CYYR1: variants seen among roughly 807,000 people sequenced by gnomAD.
CYYR1 encodes cysteine and tyrosine rich 1.
A neutral mutation model predicts 15.2 loss-of-function variants in CYYR1; 14 were observed. That is an observed-to-expected ratio of 0.92 (90% confidence interval 0.61 to 1.44). The LOEUF (loss-of-function observed/expected upper bound fraction) is 1.44, where lower values mean the gene tolerates loss of function less well. CYYR1 is among the 40% of genes most tolerant of loss of function. The pLI, the probability that CYYR1 is intolerant of heterozygous loss-of-function variation, is 0.00. For synonymous variants in CYYR1, 80 were observed against 77.4 expected (o/e 1.03, Z -0.18); for missense variants, 228 against 209.5 (o/e 1.09, Z -0.54).
intron 2 of CYYR1, among the ~76,000 whole-genome samples, chr21:26,511,678 CTTCT>C (rs1398622980): frequency 1.3e-5 from 2 of 152,154 alleles, no homozygotes; most frequent in Non-Finnish European, 2.9e-5. Flanking sequence ...AAAGTGAAGG[CTTCT>C]TTGTTTTATT....
intron 2 of CYYR1, among the ~76,000 whole-genome samples, chr21:26,529,137 A>G (rs1034201035): frequency 6.6e-6 from 1 of 152,208 alleles, no homozygotes; most frequent in Non-Finnish European, 1.5e-5. Context: ...CTAACATATA[A>G]TGAAAGTGAG....
chr21:26,538,469 G>A (rs544778739), intron 2 of CYYR1, among the ~76,000 whole-genome samples: 1 of 152,092 alleles, frequency 6.6e-6, no homozygotes, highest in East Asian at 1.9e-4. Flanking sequence ...ATGCAATATA[G>A]TCTTTTATTT....
At chr21:26,535,140 A>G (rs2065979426) in intron 2 of CYYR1, among the ~76,000 whole-genome samples, 1 of 152,098 alleles carries the variant, frequency 6.6e-6, no homozygotes, top group African/African-American at 2.4e-5. Flanking sequence ...TGAAAAACTA[A>G]CTATTAGGTA....
chr21:26,537,769 C>T (rs963455108), intron 2 of CYYR1, among the ~76,000 whole-genome samples: 35 of 152,034 alleles, frequency 2.3e-4, no homozygotes, highest in African/African-American at 8.2e-4. Flanking sequence ...CATACGTTGA[C>T]CCCTAATCAC....
At chr21:26,499,002 A>G (rs1294608624) in intron 2 of CYYR1, among the ~76,000 whole-genome samples, 2 of 152,188 alleles carry the variant, frequency 1.3e-5, no homozygotes, top group Non-Finnish European at 2.9e-5. Flanking sequence ...CAGCCAAACC[A>G]TATCAGCTGT....
At chr21:26,483,424 A>G in intron 2 of CYYR1, 1 of 982,204 alleles carries the variant, frequency 1.0e-6, no homozygotes, top group Non-Finnish European at 1.2e-6. Flanking sequence ...AAAAAAAAAA[A>G]AAAAGCTTGA....
At chr21:26,555,091 C>T (rs1006369008) in intron 2 of CYYR1, among the ~76,000 whole-genome samples, 10 of 152,166 alleles carry the variant, frequency 6.6e-5, no homozygotes, top group Middle Eastern at 3.4e-3. Flanking sequence ...AACCCAAGCC[C>T]GATTTTTCTG....
At chr21:26,563,145 T>G (rs1204393943) in intron 2 of CYYR1, among the ~76,000 whole-genome samples, 1 of 152,154 alleles carries the variant, frequency 6.6e-6, no homozygotes, top group Non-Finnish European at 1.5e-5. Flanking sequence ...AGACAGGCCA[T>G]CTTTTAAGTT....
chr21:26,517,114 CAAAAAAAAAAAAA>C (rs61352955), intron 2 of CYYR1, among the ~76,000 whole-genome samples: 6 of 46,706 alleles, frequency 1.3e-4, no homozygotes, highest in East Asian at 1.3e-3. Context: ...GACTCCGTCT[CAAAAAAAAAAAAA>C]AAAAAAAAAA....
intron 2 of CYYR1, among the ~76,000 whole-genome samples, chr21:26,553,320 T>G (rs1979527622): frequency 6.6e-6 from 1 of 152,116 alleles, no homozygotes; most frequent in South Asian, 2.1e-4. Context: ...GGTGTGAATT[T>G]CATTGGGTTT....
chr21:26,524,601 TG>T (rs2065841229), intron 2 of CYYR1, among the ~76,000 whole-genome samples: 2 of 140,406 alleles, frequency 1.4e-5, no homozygotes, highest in African/African-American at 5.3e-5. Context: ...TGAACATGCT[TG>T]GTCATCAACC....
At chr21:26,564,242 G>A (rs1271297727) in intron 2 of CYYR1, among the ~76,000 whole-genome samples, 1 of 151,734 alleles carries the variant, frequency 6.6e-6, no homozygotes, top group Non-Finnish European at 1.5e-5. Context: ...ACAATAACTG[G>A]AAATCCTGAA....
intron 2 of CYYR1, among the ~76,000 whole-genome samples, chr21:26,559,313 G>A (rs1980035156): frequency 6.6e-6 from 1 of 152,088 alleles, no homozygotes; most frequent in African/African-American, 2.4e-5. Context: ...AGGCATTGCG[G>A]ATACTAATCT....
chr21:26,480,205 T>G, intron 3 of CYYR1, 67 bp downstream of exon 3: 1 of 1,464,922 alleles, frequency 6.8e-7, no homozygotes. Context: ...GAATGTTTCC[T>G]TCTCTCTGTG....
chr21:26,558,724 A>G (rs1265116803), intron 2 of CYYR1, among the ~76,000 whole-genome samples: 5 of 152,158 alleles, frequency 3.3e-5, no homozygotes, highest in Admixed American at 1.3e-4. Flanking sequence ...TGTTTATGCA[A>G]ATGGCATCAT....
intron 3 of CYYR1, among the ~76,000 whole-genome samples, chr21:26,478,570 C>T (rs759755195): frequency 1.3e-4 from 20 of 152,270 alleles, no homozygotes; most frequent in African/African-American, 3.8e-4. Context: ...AAGAACCACA[C>T]GCTTTAATGC....
chr21:26,531,099 T>G (rs2123604084), intron 2 of CYYR1, among the ~76,000 whole-genome samples: 1 of 152,232 alleles, frequency 6.6e-6, no homozygotes, highest in South Asian at 2.1e-4. Flanking sequence ...AGTCAAAAGC[T>G]TGCATCCTCC....
chr21:26,543,923 A>ATAC (rs1165882188), intron 2 of CYYR1, among the ~76,000 whole-genome samples: 2 of 151,896 alleles, frequency 1.3e-5, no homozygotes, highest in African/African-American at 4.8e-5. Flanking sequence ...AATAATAATA[A>ATAC]TAAATAAATA....
intron 2 of CYYR1, among the ~76,000 whole-genome samples, chr21:26,519,049 C>T (rs2065770364): frequency 6.6e-6 from 1 of 152,182 alleles, no homozygotes; most frequent in Non-Finnish European, 1.5e-5. Context: ...AAGTCTTATA[C>T]ATTTTTGTAT....
Sources: allele counts gnomAD v4.1 joint callset (sites outside exome capture counted in the v4.1 genomes callset), GRCh38; gene constraint gnomAD v4.1.1; transcripts MANE v1.5; gene names NCBI Gene and HGNC (gene_info 2026-07-23, HGNC 2026-07-21).